KLRG1: variants seen among roughly 807,000 people sequenced by gnomAD.
The protein encoded by KLRG1 is killer cell lectin-like receptor subfamily G member 1.
Under a neutral mutation model 21.8 loss-of-function variants are expected in KLRG1, and 16 were observed. The ratio of observed to expected loss-of-function variants is 0.73; its 90% CI spans 0.50 to 1.11. The LOEUF (loss-of-function observed/expected upper bound fraction) is 1.11. Ranked by LOEUF, KLRG1 falls within the 50% of genes most tolerant of loss-of-function variation. The pLI is 0.00. For missense variants in KLRG1, 173 were observed against 218.3 expected (o/e 0.79, Z 1.31); for synonymous variants, 69 against 75.9 (o/e 0.91, Z 0.47).
At chr12:9,191,900 A>C in the KLRG1 span, among the ~76,000 whole-genome samples, 2 of 152,194 alleles carry the variant, frequency 1.3e-5, no homozygotes, top group African/African-American at 4.8e-5. Context: ...GGGTGGAGAT[A>C]AATAGAAGGC....
chr12:9,170,743 C>T, the KLRG1 span, among the ~76,000 whole-genome samples: 1 of 152,214 alleles, frequency 6.6e-6, no homozygotes, highest in Non-Finnish European at 1.5e-5. This position sits in a 1 kb window ranked among gnomAD's most constrained non-coding sequence, Gnocchi z 4.6. Flanking sequence ...GATCAGACTG[C>T]TTCTTTAAGT....
At chr12:8,965,215 C>T (rs1946448199) in intron 1 of KLRG1, among the ~76,000 whole-genome samples, 1 of 152,136 alleles carries the variant, frequency 6.6e-6, no homozygotes, top group Non-Finnish European at 1.5e-5. Context: ...CTATGACAAA[C>T]CCACAGCTGA....
the KLRG1 span, among the ~76,000 whole-genome samples, chr12:9,164,924 G>A: frequency 4.6e-5 from 7 of 152,166 alleles, no homozygotes; most frequent in African/African-American, 1.7e-4. Context: ...GAAAAGCAAG[G>A]TGTGGCTTAG....
chr12:9,034,312 G>A, the KLRG1 span, among the ~76,000 whole-genome samples: 1 of 152,090 alleles, frequency 6.6e-6, no homozygotes. Flanking sequence ...ACGTGTTCGT[G>A]GTGATGCTGG....
chr12:9,069,452 A>G, the KLRG1 span, among the ~76,000 whole-genome samples: 444 of 152,252 alleles, frequency 2.9e-3, 1 homozygote, highest in African/African-American at 0.01. Context: ...CTACTTCCTT[A>G]TATTACTGGG....
At chr12:8,983,171 T>C (rs1176358241) in intron 1 of KLRG1, among the ~76,000 whole-genome samples, 3 of 152,146 alleles carry the variant, frequency 2.0e-5, no homozygotes, top group Non-Finnish European at 4.4e-5. Context: ...TATGTACTTA[T>C]ATATTTACCA....
chr12:9,104,500 A>G, the KLRG1 span: 1 of 1,287,930 alleles, frequency 7.8e-7, no homozygotes, highest in East Asian at 2.6e-5. Flanking sequence ...TATGTTGAAC[A>G]TGGTTCCAGG....
At chr12:9,016,740 T>C in the KLRG1 span, among the ~76,000 whole-genome samples, 1 of 152,044 alleles carries the variant, frequency 6.6e-6, no homozygotes, top group Non-Finnish European at 1.5e-5. Flanking sequence ...CAGCCTCCTG[T>C]GTAGCTCAGA....
the KLRG1 span, chr12:9,076,853 A>G: frequency 6.2e-7 from 1 of 1,613,818 alleles, no homozygotes; most frequent in African/African-American, 1.3e-5. Context: ...GTGCTTTGGT[A>G]TATACATGGC....
the KLRG1 span, among the ~76,000 whole-genome samples, chr12:9,182,421 T>C: frequency 3.3e-5 from 5 of 151,998 alleles, no homozygotes; most frequent in African/African-American, 9.6e-5. Flanking sequence ...ATTTTCTGCA[T>C]ATATATGTGA....
chr12:9,179,776 G>A, the KLRG1 span, among the ~76,000 whole-genome samples: 19 of 152,322 alleles, frequency 1.2e-4, no homozygotes, highest in South Asian at 4.1e-4. Context: ...TGACTATCAC[G>A]TAGGTGGGGA....
At chr12:9,062,024 A>G in the KLRG1 span, among the ~76,000 whole-genome samples, 1 of 151,570 alleles carries the variant, frequency 6.6e-6, no homozygotes, top group Non-Finnish European at 1.5e-5. Flanking sequence ...TATCTGATAT[A>G]TTTATATATC....
At chr12:9,107,301 G>C in the KLRG1 span, among the ~76,000 whole-genome samples, 1 of 152,184 alleles carries the variant, frequency 6.6e-6, no homozygotes, top group Non-Finnish European at 1.5e-5. Context: ...GGAGGCTTTA[G>C]ATGGCTCAGT....
the KLRG1 span, chr12:9,079,494 G>A: frequency 5.8e-5 from 60 of 1,029,022 alleles, no homozygotes; most frequent in South Asian, 9.1e-4. Flanking sequence ...GTTGGAGAGT[G>A]GATAGTTTCC....
In KLRG1 at chr12:8,977,416, A is replaced by G. The variant is rs776310647; in HGVS notation, c.-155-14790A>G. 1.0e-3 allele frequency among the ~76,000 whole-genome samples: 138 copies of G among 136,282 alleles called. 1 individual carries two copies. Among genetic ancestry groups the G allele is most frequent in the Middle Eastern group, 4.4e-3 (1 of 226 alleles). The allele number at this position is 136,282 out of a possible 152,430, so 89.4% of individuals were successfully genotyped here. On this transcript the variant is annotated intron_variant, in intron 1 of 4. Coordinates refer to the KLRG1 transcript ENST00000539240. ...TTTGTAGTAGAGACAGGGTTTCACC[A>G]TGTTAGCCAGGATGGTCTCGATCTC...
At chr12:8,989,509 T>C (rs1946904190), upstream of KLRG1, 13 of 628,704 alleles carry the variant, frequency 2.1e-5, 1 homozygote, top group South Asian at 2.5e-4. Flanking sequence ...TCCTGAAAAA[T>C]TACTTCTGCT....
In KLRG1 at chr12:9,009,456, C is replaced by A. The variant is rs145154967; in HGVS notation, c.489C>A (p.Cys163Ter). ...CTTCTAATAGCTTTGTGCAGACATG[C>A]GGTGCCATCAACAAAAATGGTCTTC... ...RISSNSFVQTCGAINKNGLQA... is the reference protein window; with the variant it reads ...RISSNSFVQT The change falls in exon 5 of 5, where the codon TGC (cysteine) becomes TGA (stop). Residue 163 changes from cysteine (C) to a stop codon, truncating the protein, a stop_gained. Transcript: ENST00000356986. LOFTEE classifies it high-confidence loss of function. 6.2e-7 allele frequency: 1 copy of A among 1,613,764 alleles called. No homozygotes were observed. Among genetic ancestry groups the A allele is most frequent in the South Asian group, 1.1e-5 (1 of 91,066 alleles).
the KLRG1 span, among the ~76,000 whole-genome samples, chr12:9,185,708 C>A: frequency 6.6e-6 from 1 of 151,910 alleles, no homozygotes. Flanking sequence ...AAGTCACCTA[C>A]AAAGGGAAGC....
In KLRG1 at chr12:9,001,150, A is replaced by G. The variant is rs143927155; in HGVS notation, c.357+5862A>G. ...GTAATATGCTCTATATTTTTACTCA[A>G]TCTTGAGACATGTTTTCAAGTGAAA... On this transcript the variant is annotated intron_variant, in intron 3 of 4. Transcript: ENST00000356986. Among the ~76,000 whole-genome samples, 10 of 152,234 alleles carry G rather than the reference A, an allele frequency of 6.6e-5. No homozygotes were observed. The East Asian group carries it at 1.9e-3, about 29-fold the overall frequency.
Sources: allele counts gnomAD v4.1 joint callset (sites outside exome capture counted in the v4.1 genomes callset), GRCh38; gene constraint gnomAD v4.1.1; non-coding constraint Gnocchi (gnomAD v3.1); transcripts MANE v1.5; gene names NCBI Gene and HGNC (gene_info 2026-07-23, HGNC 2026-07-21).